The following TP63 variants were observed in gnomAD, a reference collection of about 807,000 sequenced individuals.
TP63 encodes tumor protein 63.
In TP63, 17 loss-of-function variants were observed where a neutral mutation model predicts 82.8. The ratio of observed to expected loss-of-function variants is 0.21; its 90% confidence interval spans 0.14 to 0.31. The LOEUF is 0.31. TP63 is among the 10% of genes least tolerant of loss of function. TP63 has a pLI of 1.00. For synonymous variants in TP63, 330 were observed against 321.7 expected (o/e 1.03, Z -0.28); for missense variants, 648 against 895.3 (o/e 0.72, Z 3.52).
intron 1 of TP63, among the ~76,000 whole-genome samples, chr3:189,680,453 A>C (rs1715809516): frequency 6.6e-6 from 1 of 152,206 alleles, no homozygotes. Context: ...CCAGCATTCC[A>C]CTGATACTAA....
Position 189,663,804 on chromosome 3 carries a change from A to G in TP63, c.62+32227A>G, listed in dbSNP as rs1714141779. ...CAGACTCCCAAAATGCTGGGATTGCAGGCATGAGCCACTGCACCTGACCTG... is the reference window on the plus strand; with the variant it reads ...CAGACTCCCAAAATGCTGGGATTGCGGGCATGAGCCACTGCACCTGACCTG... On this transcript the variant is annotated intron_variant, in intron 1 of 13. Coordinates refer to ENST00000264731, the MANE Select transcript of TP63 (RefSeq NM_003722.5). 2.6e-5 allele frequency among the ~76,000 whole-genome samples: 4 copies of G among 152,118 alleles called. No homozygotes were observed. The South Asian group carries it at 8.3e-4, about 31-fold the overall frequency.
intron 1 of TP63, among the ~76,000 whole-genome samples, chr3:189,681,596 T>C (rs75404583): frequency 1.2e-3 from 184 of 148,430 alleles, no homozygotes; most frequent in Middle Eastern, 3.6e-3. Context: ...CCATAAATTA[T>C]ATGCAATATT....
intron 3 of TP63, among the ~76,000 whole-genome samples, chr3:189,796,384 C>A (rs1242003941): frequency 6.6e-6 from 1 of 151,838 alleles, no homozygotes; most frequent in African/African-American, 2.4e-5. Flanking sequence ...AAGAAGACCA[C>A]GTGGGCAATT....
chr3:189,831,064 G>T (rs868613515), intron 4 of TP63, among the ~76,000 whole-genome samples: 7 of 149,974 alleles, frequency 4.7e-5, no homozygotes, highest in Non-Finnish European at 8.8e-5. Context: ...CTGTATTTCT[G>T]TTGTTGGTGT....
chr3:189,734,730 T>C (rs1449159990), intron 1 of TP63, among the ~76,000 whole-genome samples: 1 of 152,104 alleles, frequency 6.6e-6, no homozygotes, highest in African/African-American at 2.4e-5. Context: ...ATGAAAACCT[T>C]TATATCTGTA....
At chr3:189,667,991 A>T (rs180876023) in intron 1 of TP63, among the ~76,000 whole-genome samples, 3 of 152,238 alleles carry the variant, frequency 2.0e-5, no homozygotes, top group African/African-American at 7.2e-5. Context: ...TGCTGACCCT[A>T]CCCAAGAGTA....
chr3:189,831,761 G>A (rs2108708164), intron 4 of TP63, among the ~76,000 whole-genome samples: 1 of 149,968 alleles, frequency 6.7e-6, no homozygotes, highest in East Asian at 2.0e-4. Flanking sequence ...ATAACACATA[G>A]AGCTGGCAGT....
chr3:189,893,151 A>G, intron 13 of TP63, among the ~76,000 whole-genome samples: 1 of 152,244 alleles, frequency 6.6e-6, no homozygotes. Context: ...TAACAATACA[A>G]CATAATAATA....
intron 1 of TP63, among the ~76,000 whole-genome samples, chr3:189,660,212 T>G (rs1364503024): frequency 6.6e-6 from 1 of 152,112 alleles, no homozygotes; most frequent in Non-Finnish European, 1.5e-5. Context: ...TTAATCCGTT[T>G]TAATATTTGT....
intron 1 of TP63, among the ~76,000 whole-genome samples, chr3:189,652,202 C>A (rs1215930362): frequency 1.4e-5 from 2 of 146,828 alleles, no homozygotes; most frequent in Admixed American, 1.3e-4. Flanking sequence ...TCAACCCCAA[C>A]CATGAAGGCA....
chr3:189,868,813 A>G (rs901056050), intron 8 of TP63, 97 bp downstream of exon 8: 86 of 1,597,822 alleles, frequency 5.4e-5, no homozygotes, highest in Non-Finnish European at 7.0e-5. Flanking sequence ...AAGACCTGTG[A>G]CCTTCAGCAG....
intron 7 of TP63, 72 bp downstream of exon 7, chr3:189,868,014 G>T (rs1266863537): frequency 3.2e-6 from 4 of 1,256,018 alleles, no homozygotes; most frequent in Non-Finnish European, 4.6e-6. Flanking sequence ...AATCGTGGCT[G>T]CTTTATCATT....
chr3:189,757,492 A>G (rs1300432252), intron 3 of TP63, among the ~76,000 whole-genome samples: 2 of 152,204 alleles, frequency 1.3e-5, no homozygotes, highest in Non-Finnish European at 2.9e-5. Flanking sequence ...TGTTAGCATA[A>G]CACACTGCCT....
intron 3 of TP63, chr3:189,738,980 C>T (rs1440244247): frequency 4.5e-6 from 3 of 669,594 alleles, no homozygotes; most frequent in South Asian, 1.9e-5. Context: ...ATATGTGTTT[C>T]CATCCGTGTG....
intron 3 of TP63, among the ~76,000 whole-genome samples, chr3:189,757,082 A>G (rs571419213): frequency 3.1e-4 from 47 of 152,324 alleles, no homozygotes; most frequent in Admixed American, 1.4e-3. Context: ...TTCAATCTGT[A>G]AAACGTGAAA....
chr3:189,713,242 G>C lies in TP63; in HGVS notation c.63-24498G>C, dbSNP rs116363538. On this transcript the variant is annotated intron_variant, in intron 1 of 13. Transcript: ENST00000264731. ...TGACACTTAACACACTGCCTGGCAA[G>C]TAACTACTCAGTAAATGTTTACTGA... Among the ~76,000 whole-genome samples, 1,049 of 152,298 alleles carry C rather than the reference G, an allele frequency of 6.9e-3. 13 individuals are homozygous for C. The highest frequency in any genetic ancestry group is 0.024 in the African/African-American group (977 of 41,564).
Position 189,864,371 on chromosome 3 carries a change from T to C in TP63, c.719T>C (p.Val240Ala), listed in dbSNP as rs1717428463. 6.2e-7 allele frequency: 1 copy of C among 1,613,834 alleles called. No homozygotes were observed. The highest frequency in any genetic ancestry group is 2.2e-5 in the East Asian group (1 of 44,858). Residue 240 changes from valine (V) to alanine (A), a missense_variant, in exon 5 of 14, where the codon GTG becomes GCG. Transcript: ENST00000264731. ...VYKKAEHVTE[V>A]VKRCPNHELS... ...AAAAAAGCTGAGCACGTCACGGAGG[T>C]GGTGAAGCGGTGCCCCAACCATGAG...
intron 3 of TP63, chr3:189,789,985 T>C: frequency 5.3e-6 from 4 of 761,368 alleles, no homozygotes; most frequent in East Asian, 3.4e-5. Context: ...TCTTGGTTAA[T>C]GTTTTCTGTG....
chr3:189,634,514 G>T (rs1435316692), intron 1 of TP63, among the ~76,000 whole-genome samples: 1 of 151,778 alleles, frequency 6.6e-6, no homozygotes, highest in East Asian at 1.9e-4. Context: ...TTACCATATT[G>T]AGCATTTAGT....
Sources: gnomAD v4.1 joint callset for allele counts (sites outside exome capture counted in the v4.1 genomes callset) on GRCh38, gnomAD v4.1.1 for gene constraint, MANE v1.5 for transcripts, NCBI Gene and HGNC (gene_info 2026-07-23, HGNC 2026-07-21) for gene names.